PATL1: variants seen among roughly 807,000 people sequenced by gnomAD.
PATL1 encodes protein PAT1 homolog 1.
Under a neutral mutation model 100.6 loss-of-function variants are expected in PATL1, and 32 were observed. That is an observed-to-expected ratio of 0.32 (90% confidence interval 0.24 to 0.43). The LOEUF is 0.43. Ranked by LOEUF, PATL1 falls within the 20% of genes least tolerant of loss-of-function variation. The pLI is 1.00. For missense variants in PATL1, 747 were observed against 949.9 expected, an observed-to-expected ratio of 0.79 and a Z score of 2.81; for synonymous variants, 332 against 330.0, an observed-to-expected ratio of 1.01 and a Z score of -0.07.
At chr11:59,654,653 G>A (rs1861499460) in intron 8 of PATL1, among the ~76,000 whole-genome samples, 1 of 152,062 alleles carries the variant, frequency 6.6e-6, no homozygotes, top group South Asian at 2.1e-4. Context: ...TTTTGCTTCT[G>A]TTTAACAGAA....
intron 12 of PATL1, 82 bp downstream of exon 12, chr11:59,651,462 G>T: frequency 9.2e-7 from 1 of 1,092,082 alleles, no homozygotes; most frequent in Non-Finnish European, 1.4e-6. Context: ...ACTCTACCAT[G>T]CCTGATCTCA....
At chr11:59,663,345 T>A (rs1861650800) in intron 2 of PATL1, among the ~76,000 whole-genome samples, 1 of 152,154 alleles carries the variant, frequency 6.6e-6, no homozygotes, top group Admixed American at 6.5e-5. Flanking sequence ...AGTGATTTAA[T>A]TTTAAGGCAA....
At chr11:59,655,878 CA>C (rs1565134312) in intron 7 of PATL1, 77 bp downstream of exon 7, 13 of 1,350,496 alleles carry the variant, frequency 9.6e-6, no homozygotes, top group Admixed American at 2.2e-5. Context: ...TGATTAACAG[CA>C]AAAAAAGGGG....
Position 59,649,620 on chromosome 11 carries a change from G to C in PATL1, c.1585-10C>G. On this transcript the variant is annotated splice_polypyrimidine_tract_variant and intron_variant, in intron 13 of 18. Transcript: ENST00000300146. ...GGAGTAAGCTGTAGGTCTAAGAAGG[G>C]AGACAAAAGCAGGCCACAGCATGCT... 4 of 1,610,378 alleles carry C rather than the reference G, an allele frequency of 2.5e-6. No individual in the cohort carries two copies. Among genetic ancestry groups the C allele is most frequent in the East Asian group, 2.2e-5 (1 of 44,822 alleles).
chr11:59,666,573 G>C (rs1267664799), intron 2 of PATL1, among the ~76,000 whole-genome samples: 1 of 152,044 alleles, frequency 6.6e-6, no homozygotes, highest in Non-Finnish European at 1.5e-5. Context: ...CTAAACATTT[G>C]AATCCCTCAT....
rs117895031 is a variant in PATL1, at chr11:59,652,340, A to G, written c.1426+124T>C. 5,491 of 1,347,092 alleles carry G rather than the reference A, an allele frequency of 4.1e-3. 20 individuals are homozygous for G. The highest frequency in any genetic ancestry group is 4.7e-3 in the Non-Finnish European group (4,742 of 1,011,980). The allele number at this position is 1,347,092 out of a possible 1,614,324, so 83.4% of individuals were successfully genotyped here. On this transcript the variant is annotated intron_variant, in intron 11 of 18. Coordinates refer to ENST00000300146, the MANE Select transcript of PATL1 (RefSeq NM_152716.3). ...TTTTGCATTTATTAAGAACAATGGT[A>G]CTTTTAAAATCACTTTGAAACATCT...
chr11:59,668,414 T>C (rs1385767873), intron 1 of PATL1, among the ~76,000 whole-genome samples: 1 of 152,186 alleles, frequency 6.6e-6, no homozygotes, highest in Non-Finnish European at 1.5e-5. Flanking sequence ...CCAGGCCCCC[T>C]TCACCTGAAG....
chr11:59,655,810 G>T, intron 7 of PATL1, 70 bp from the exon 8 acceptor site: 1 of 1,439,198 alleles, frequency 6.9e-7, no homozygotes, highest in South Asian at 1.2e-5. Flanking sequence ...ACAGAAAAGT[G>T]AATACGGTTT....
chr11:59,638,084 G>A lies in PATL1; in HGVS notation c.*306C>T, dbSNP rs961550679. On this transcript the variant is annotated 3_prime_UTR_variant, in exon 19 of 19. Coordinates refer to ENST00000300146, the MANE Select transcript of PATL1 (RefSeq NM_152716.3). ...GAGGTGGAGTAGTGGAGGGATAAAG[G>A]GAGAGATTACACTTGTGTCTCTAGG... is the stretch of plus-strand genomic sequence containing the variant. The A allele has an allele frequency of 2.5e-6, 1 of 399,724 alleles. No homozygotes were observed. Among genetic ancestry groups the A allele is most frequent in the Non-Finnish European group, 4.6e-6 (1 of 216,460 alleles). 24.8% of individuals were successfully genotyped at this position (399,724 alleles called of 1,614,324 possible). A position where few individuals can be genotyped will look rare whatever the true frequency, so the allele number is the denominator to read the frequency against.
chr11:59,655,447 A>G (rs1861514069), intron 8 of PATL1, 76 bp downstream of exon 8: 3 of 1,266,136 alleles, frequency 2.4e-6, no homozygotes, highest in Admixed American at 2.9e-5. Flanking sequence ...AAATATCAAG[A>G]GACTTATAAA....
rs1165790320 is a variant in PATL1, at chr11:59,659,376, T to A, written c.221A>T (p.Asp74Val). 6.4e-7 allele frequency: 1 copy of A among 1,551,358 alleles called. No homozygotes were observed. Among genetic ancestry groups the A allele is most frequent in the Non-Finnish European group, 8.7e-7 (1 of 1,146,820 alleles). ...VNEQTGNGERDEMDLLGDHEE... is the reference protein window; with the variant it reads ...VNEQTGNGERVEMDLLGDHEE... Reference sequence around the variant, plus strand: ...ATGGTCACCCAACAAGTCCATTTCATCTCTCTCTCCATTGCCTGTTTGTTC... The same window carrying A: ...ATGGTCACCCAACAAGTCCATTTCAACTCTCTCTCCATTGCCTGTTTGTTC... Residue 74 changes from aspartate (D) to valine (V), a missense_variant, in exon 3 of 19, where the codon GAT (aspartate) becomes GTT (valine). Around this residue, in one of 4 missense-constraint regions of PATL1, gnomAD observed 183 missense variants for 221.2 expected, o/e 0.83. Transcript: ENST00000300146.
intron 4 of PATL1, among the ~76,000 whole-genome samples, chr11:59,658,184 AAGAG>A (rs1275920357): frequency 2.0e-5 from 3 of 151,930 alleles, no homozygotes; most frequent in East Asian, 1.9e-4. Flanking sequence ...AAAAGAAAGA[AAGAG>A]AGAGCAAGAA....
chr11:59,654,178 C>T lies in PATL1; in HGVS notation c.1032-106G>A, dbSNP rs1861488522. 3.1e-6 allele frequency: 3 copies of T among 972,772 alleles called. No individual in the cohort carries two copies. The East Asian group carries it at 7.4e-5, about 24-fold the overall frequency. The allele number at this position is 972,772 out of a possible 1,614,324, so 60.3% of individuals were successfully genotyped here. A position where few individuals can be genotyped will look rare whatever the true frequency, so the allele number is the denominator to read the frequency against. On this transcript the variant is annotated intron_variant, in intron 8 of 18. Coordinates refer to ENST00000300146, the MANE Select transcript of PATL1 (RefSeq NM_152716.3). Reference sequence around the variant, plus strand: ...ACTTCATACAGGTTAACTTAAGGGACTACAAAAGTCTATTCGGGATGGGTG... The same window carrying T: ...ACTTCATACAGGTTAACTTAAGGGATTACAAAAGTCTATTCGGGATGGGTG...
chr11:59,640,512 G>T (rs1460533159), intron 16 of PATL1, among the ~76,000 whole-genome samples: 1 of 149,696 alleles, frequency 6.7e-6, no homozygotes, highest in Non-Finnish European at 1.5e-5. Flanking sequence ...GAGGTCAGGA[G>T]ATCGAGATCA....
At chr11:59,638,903 G>T in intron 18 of PATL1, 145 bp downstream of exon 18, 1 of 924,418 alleles carries the variant, frequency 1.1e-6, no homozygotes, top group South Asian at 1.7e-5. Flanking sequence ...GGCTGGTCTG[G>T]AACTCCTGGC....
At chr11:59,650,348 A>G (rs534355898) in intron 13 of PATL1, among the ~76,000 whole-genome samples, 6 of 152,308 alleles carry the variant, frequency 3.9e-5, no homozygotes, top group African/African-American at 1.2e-4. Flanking sequence ...CATTTTACAA[A>G]TCAACTATTA....
At chr11:59,639,889 A>G (rs951958961) in intron 16 of PATL1, 1 of 153,002 alleles carries the variant, frequency 6.5e-6, no homozygotes, top group African/African-American at 2.4e-5. Context: ...AACATGGTAT[A>G]AAGAGAAACT....
intron 2 of PATL1, among the ~76,000 whole-genome samples, chr11:59,661,794 A>G (rs1861628494): frequency 1.3e-5 from 2 of 152,214 alleles, no homozygotes; most frequent in Non-Finnish European, 1.5e-5. Context: ...TTTAAGCAAT[A>G]TGTCTTGGAC....
At chr11:59,649,696 G>C in intron 13 of PATL1, 86 bp from the exon 14 acceptor site, 1 of 1,303,896 alleles carries the variant, frequency 7.7e-7, no homozygotes, top group South Asian at 1.7e-5. Context: ...AGGACTACTA[G>C]CTAAAGACAA....
Sources: gnomAD v4.1 joint callset for allele counts (sites outside exome capture counted in the v4.1 genomes callset) on GRCh38, gnomAD v4.1.1 for gene constraint, gnomAD v4.1.1 regional missense constraint, MANE v1.5 for transcripts, NCBI Gene and HGNC (gene_info 2026-07-23, HGNC 2026-07-21) for gene names.